Variants in DOT1L observed in about 807,000 individuals in gnomAD.
The protein encoded by DOT1L is histone-lysine N-methyltransferase, H3 lysine-79 specific.
In DOT1L, 33 loss-of-function variants were observed where a neutral mutation model predicts 153.3. The ratio of observed to expected loss-of-function variants is 0.22; its 90% CI spans 0.16 to 0.29. The LOEUF (loss-of-function observed/expected upper bound fraction) is 0.29, where lower values mean the gene tolerates loss of function less well. Among genes scored for constraint, DOT1L ranks in the 10% least tolerant of loss-of-function variants. DOT1L has a pLI of 1.00. For synonymous variants in DOT1L, 1,135 were observed against 965.1 expected (o/e 1.18, Z -3.26); for missense variants, 1,847 against 2,119.9 (o/e 0.87, Z 2.53).
chr19:2,227,084 C>G lies in DOT1L; in HGVS notation c.4563C>G (p.His1521Gln). The G allele has an allele frequency of 6.4e-7, 1 of 1,562,708 alleles. No homozygotes were observed. Among genetic ancestry groups the G allele is most frequent in the East Asian group, 2.3e-5 (1 of 43,576 alleles). ...SSAATRLTNS[H>Q]AMGSFSGVAG... ...CTGCCACCAGACTGACCAACTCGCA[C>G]GCCATGGGCAGCTTTTCCGGGGTGG... The change falls in exon 27 of 28, where the codon CAC becomes CAG. Residue 1521 changes from histidine (H) to glutamine (Q), a missense_variant. His to Gln is a conservative substitution (Grantham distance 24). This residue lies in a region of DOT1L where 934 missense variants were observed against 825.3 expected (regional missense o/e 1.13). Coordinates refer to ENST00000398665, the MANE Select transcript of DOT1L (RefSeq NM_032482.3).
intron 8 of DOT1L, among the ~76,000 whole-genome samples, chr19:2,201,082 CCCTCATT>C: frequency 7.6e-6 from 1 of 131,642 alleles, no homozygotes; most frequent in African/African-American, 2.9e-5. Context: ...CCTCGTCGTC[CCCTCATT>C]CCTCGTCCTC....
intron 27 of DOT1L, chr19:2,227,776 C>A (rs747817412): frequency 7.6e-7 from 1 of 1,319,272 alleles, no homozygotes; most frequent in Non-Finnish European, 1.0e-6. Flanking sequence ...TCTGCTCATC[C>A]GTTTGGAGCC....
chr19:2,189,937 G>C, intron 4 of DOT1L, 142 bp downstream of exon 4: 1 of 948,658 alleles, frequency 1.1e-6, no homozygotes, highest in Non-Finnish European at 1.6e-6. Context: ...GGGGACGATG[G>C]GCTGTGGGTG....
chr19:2,180,234 G>T (rs2022165867), intron 1 of DOT1L, among the ~76,000 whole-genome samples: 2 of 152,206 alleles, frequency 1.3e-5, no homozygotes, highest in Admixed American at 1.3e-4. Flanking sequence ...CACATACCAG[G>T]CCTTTGCCAA....
At chr19:2,211,976 C>A in intron 16 of DOT1L, 134 bp downstream of exon 16, 1 of 766,154 alleles carries the variant, frequency 1.3e-6, no homozygotes, top group Non-Finnish European at 2.0e-6. Context: ...TCACCTGCTG[C>A]GAGAAACAAA....
At chr19:2,201,899 G>T (rs2240130) in intron 8 of DOT1L, among the ~76,000 whole-genome samples, 1 of 152,090 alleles carries the variant, frequency 6.6e-6, no homozygotes, top group African/African-American at 2.4e-5. Context: ...TCCTCCCACA[G>T]GCTGCCCACT....
Position 2,179,683 on chromosome 19 carries a change from A to T in DOT1L, c.82-1030A>T, listed in dbSNP as rs922468715. On this transcript the variant is annotated intron_variant, in intron 1 of 27. Transcript: ENST00000398665. The stretch of plus-strand genomic sequence containing the variant: ...TTAGCCAGGCGTGGTGGCTCATGCC[A>T]GTAATCCCAGCTACTCGGGAGGCTG... Among the ~76,000 whole-genome samples, 5 of 152,228 alleles carry T rather than the reference A, an allele frequency of 3.3e-5. No individual in the cohort carries two copies. The East Asian group carries it at 9.7e-4, about 29-fold the overall frequency.
intron 2 of DOT1L, among the ~76,000 whole-genome samples, chr19:2,184,140 G>C (rs2022381523): frequency 6.6e-6 from 1 of 152,154 alleles, no homozygotes; most frequent in African/African-American, 2.4e-5. Context: ...TTCTTGCCGA[G>C]TTGCGCTGGC....
At chr19:2,176,824 G>GGAA (rs2144681137) in intron 1 of DOT1L, among the ~76,000 whole-genome samples, 1 of 152,296 alleles carries the variant, frequency 6.6e-6, no homozygotes, top group East Asian at 1.9e-4. Flanking sequence ...TGATCACTGG[G>GGAA]GAAGACGCTA....
In DOT1L at chr19:2,229,866, G is replaced by A. The variant is rs1294945442; in HGVS notation, c.*74G>A. 6.2e-6 allele frequency: 10 copies of A among 1,610,444 alleles called. No individual in the cohort carries two copies. The highest frequency in any genetic ancestry group is 2.2e-5 in the South Asian group (2 of 91,038). The stretch of plus-strand genomic sequence containing the variant: ...TCGCGCCCGCGGCATGGTGCCCGCC[G>A]GCCTGCCGGGCTCCCACCCCTGGAC... On this transcript the variant is annotated 3_prime_UTR_variant, in exon 28 of 28. Coordinates refer to ENST00000398665, the MANE Select transcript of DOT1L (RefSeq NM_032482.3).
chr19:2,228,132 G>A, intron 27 of DOT1L: 1 of 1,364,118 alleles, frequency 7.3e-7, no homozygotes, highest in South Asian at 1.1e-5. Context: ...TCTGCCGCCT[G>A]CTAACGCCTC....
rs2024327826 is a variant in DOT1L at position 2,226,334 on chromosome 19, C to G, written c.3813C>G (p.Ser1271=). The change falls in exon 27 of 28, where the codon TCC becomes TCG. Residue 1271 remains serine (S), a synonymous_variant. Coordinates refer to ENST00000398665, the MANE Select transcript of DOT1L (RefSeq NM_032482.3). ...LQASSALSQN[S]LFTFRPALEE... ...CCAGCTCCGCCCTCAGCCAGAACTC[C>G]CTGTTCACGTTCCGGCCCGCCCTGG... 1 of 1,596,924 alleles carries G rather than the reference C, an allele frequency of 6.3e-7. No individual in the cohort carries two copies. Among genetic ancestry groups the G allele is most frequent in the African/African-American group, 1.3e-5 (1 of 74,674 alleles).
intron 6 of DOT1L, 45 bp from the exon 7 acceptor site, chr19:2,194,470 T>C (rs375703716): frequency 2.5e-6 from 4 of 1,612,642 alleles, no homozygotes; most frequent in Non-Finnish European, 3.4e-6. Context: ...CGCGCCTGGC[T>C]TGCCCTGAGA....
intron 8 of DOT1L, among the ~76,000 whole-genome samples, chr19:2,200,208 A>G (rs1599575305): frequency 6.6e-6 from 1 of 151,822 alleles, no homozygotes; most frequent in Admixed American, 6.6e-5. Flanking sequence ...TGACTTTGGG[A>G]CACTGTGGGC....
intron 20 of DOT1L, 33 bp downstream of exon 20, chr19:2,216,798 C>G (rs1426559595): frequency 6.4e-7 from 1 of 1,566,728 alleles, no homozygotes; most frequent in Non-Finnish European, 8.6e-7. Context: ...GGGTCTGCAG[C>G]TGGTACCTGC....
intron 1 of DOT1L, among the ~76,000 whole-genome samples, chr19:2,175,023 G>A (rs911041540): frequency 6.2e-5 from 9 of 144,674 alleles, no homozygotes; most frequent in Non-Finnish European, 1.4e-4. Flanking sequence ...TTTTTAGATG[G>A]AGTCTTGCTC....
intron 27 of DOT1L, chr19:2,229,028 C>T (rs956617979): frequency 2.8e-5 from 28 of 985,470 alleles, no homozygotes; most frequent in Middle Eastern, 1.0e-3. Flanking sequence ...CGGCTGATGG[C>T]CACACTGCCC....
chr19:2,201,274 G>A (rs928633359), intron 8 of DOT1L, among the ~76,000 whole-genome samples: 3 of 143,070 alleles, frequency 2.1e-5, no homozygotes, highest in Non-Finnish European at 4.6e-5. Context: ...CGCATTCCTC[G>A]TCCTCCCCAT....
chr19:2,214,335 AT>A (rs995259172), intron 18 of DOT1L, 135 bp from the exon 19 acceptor site: 14 of 1,404,504 alleles, frequency 1.0e-5, no homozygotes, highest in Non-Finnish European at 1.2e-5. Flanking sequence ...TCAGCCTGCT[AT>A]TCCAGAAACG....
Sources: gnomAD v4.1 joint callset for allele counts (sites outside exome capture counted in the v4.1 genomes callset) on GRCh38, gnomAD v4.1.1 for gene constraint, gnomAD v4.1.1 regional missense constraint, MANE v1.5 for transcripts, NCBI Gene and HGNC (gene_info 2026-07-23, HGNC 2026-07-21) for gene names.